Variants in PRAG1 observed in about 807,000 individuals in gnomAD.
The protein encoded by PRAG1 is PEAK1 related, kinase-activating pseudokinase 1, also known as inactive tyrosine-protein kinase PRAG1.
A neutral mutation model predicts 95.6 loss-of-function variants in PRAG1; 110 were observed. The ratio of observed to expected loss-of-function variants is 1.15; its 90% CI spans 0.99 to 1.35. The LOEUF is 1.35. Among genes scored for constraint, PRAG1 ranks in the 40% most tolerant of loss-of-function variants. The probability of loss-of-function intolerance (pLI) is 0.00; values close to 1 mark genes in which losing one functional copy is unlikely to be tolerated. For missense variants in PRAG1, 2,554 were observed against 1,864.7 expected (o/e 1.37, Z -6.81); for synonymous variants, 1,052 against 819.4 (o/e 1.28, Z -4.85).
intron 3 of PRAG1, among the ~76,000 whole-genome samples, chr8:8,350,098 T>G (rs917343592): frequency 6.6e-6 from 1 of 152,136 alleles, no homozygotes; most frequent in Non-Finnish European, 1.5e-5. Flanking sequence ...GCATGAGAGA[T>G]AGAAACATTT....
At chr8:8,378,858 C>T (rs2945845) in intron 2 of PRAG1, among the ~76,000 whole-genome samples, 85,939 of 149,662 alleles carry the variant, frequency 0.57, 25,560 homozygotes, top group East Asian at 0.77. Flanking sequence ...AGACCCTGTA[C>T]CAAAAATAAT....
chr8:8,368,230 G>A (rs532694211), intron 3 of PRAG1, among the ~76,000 whole-genome samples: 19 of 152,252 alleles, frequency 1.2e-4, no homozygotes, highest in Admixed American at 1.2e-3. Context: ...AGTAGCCTTC[G>A]GCCTGGAAGC....
At chr8:8,384,182 G>A (rs1585288155) in intron 1 of PRAG1, among the ~76,000 whole-genome samples, 1 of 152,136 alleles carries the variant, frequency 6.6e-6, no homozygotes, top group Admixed American at 6.5e-5. Flanking sequence ...CAAAGCAGCA[G>A]TTCTGCTTGG....
rs1798719570 is a variant in PRAG1, at chr8:8,328,459, G to A, written c.2323C>T (p.Pro775Ser). Residue 775 changes from proline to serine, a missense_variant and splice_region_variant, in exon 5 of 6, where the codon CCC becomes TCC. Physicochemically the swap from Pro to Ser is moderately conservative, Grantham distance 74. Transcript: ENST00000615670. Reference sequence around the variant, plus strand: ...GGCGAGTGAGCCAGCTCAGACGAGGGACCTGAAGAGGAGAGACAGAAACCA... The same window carrying A: ...GGCGAGTGAGCCAGCTCAGACGAGGAACCTGAAGAGGAGAGACAGAAACCA... ...SDSRTCSDGG[P>S]SSELAHSPTN... 6.2e-7 allele frequency: 1 copy of A among 1,613,162 alleles called. No individual in the cohort carries two copies. The highest frequency in any genetic ancestry group is 1.7e-5 in the Admixed American group (1 of 59,988).
At chr8:8,349,260 A>G (rs1413077248) in intron 3 of PRAG1, among the ~76,000 whole-genome samples, 1 of 146,468 alleles carries the variant, frequency 6.8e-6, no homozygotes, top group Non-Finnish European at 1.5e-5. Flanking sequence ...TTATTTATCT[A>G]TCTATCTATT....
At chr8:8,349,099 T>C (rs540628408) in intron 3 of PRAG1, among the ~76,000 whole-genome samples, 95 of 152,314 alleles carry the variant, frequency 6.2e-4, no homozygotes, top group African/African-American at 2.1e-3. Flanking sequence ...TCTACTAGGT[T>C]GGTGCAAAAG....
rs770102541 is a variant in PRAG1 at position 8,318,347 on chromosome 8, G to A, written c.4028C>T (p.Ser1343Leu). The A allele has an allele frequency of 2.9e-5, 46 of 1,613,880 alleles. No individual in the cohort carries two copies. The highest frequency in any genetic ancestry group is 3.5e-5 in the Non-Finnish European group (41 of 1,179,920). The change falls in exon 6 of 6, where the codon TCG (serine) becomes TTG (leucine). Residue 1343 changes from serine (S) to leucine (L), a missense_variant. Ser to Leu is a moderately radical substitution (Grantham distance 145). Coordinates refer to ENST00000615670, the MANE Select transcript of PRAG1 (RefSeq NM_001080826.3). The surrounding 1 kb of genome is among the most constrained non-coding windows in gnomAD (Gnocchi z 4.2). ...CAGCGTGCCGCACAGCGCCTCCTCC[G>A]AGGTGCCCGGCTGCTGCACCAGCTC... ...RRELVQQPGTSEEALCGTLHN... is the reference protein window; with the variant it reads ...RRELVQQPGTLEEALCGTLHN...
chr8:8,367,792 C>T (rs1028999577), intron 3 of PRAG1, among the ~76,000 whole-genome samples: 4 of 152,094 alleles, frequency 2.6e-5, no homozygotes, highest in African/African-American at 7.2e-5. Flanking sequence ...CAGGTGCGTG[C>T]CACCATGCCC....
chr8:8,339,773 T>A, intron 3 of PRAG1, 138 bp from the exon 4 acceptor site: 1 of 792,818 alleles, frequency 1.3e-6, no homozygotes, highest in Non-Finnish European at 1.9e-6. Flanking sequence ...AAAAAAGATT[T>A]TGGGGAGACA....
rs374528682 is a variant in PRAG1, at chr8:8,339,583, C to G, written c.2215G>C (p.Gly739Arg). Residue 739 changes from glycine (G) to arginine (R), a missense_variant, in exon 4 of 6, where the codon GGC (glycine) becomes CGC (arginine). By Grantham distance (125) the Gly-to-Arg change is moderately radical. Coordinates refer to ENST00000615670, the MANE Select transcript of PRAG1 (RefSeq NM_001080826.3). Reference sequence around the variant, plus strand: ...GATGGGCTGAGGCTTTCTGCAGAGCCCTGGCTCACTTTTTCCAAATCAGAG... The same window carrying G: ...GATGGGCTGAGGCTTTCTGCAGAGCGCTGGCTCACTTTTTCCAAATCAGAG... ...SSSDLEKVSQ[G>R]SAESLSPSFR... is the part of the protein sequence containing the mutation. 2 of 1,614,048 alleles carry G rather than the reference C, an allele frequency of 1.2e-6. No homozygotes were observed. The highest frequency in any genetic ancestry group is 1.7e-6 in the Non-Finnish European group (2 of 1,179,930).
chr8:8,339,535 A>G lies in PRAG1; in HGVS notation c.2263T>C (p.Phe755Leu). The G allele has an allele frequency of 1.9e-6, 3 of 1,614,158 alleles. No homozygotes were observed. The highest frequency in any genetic ancestry group is 2.5e-6 in the Non-Finnish European group (3 of 1,180,022). Residue 755 changes from phenylalanine (F) to leucine (L), a missense_variant, in exon 4 of 6, where the codon TTC becomes CTC. By Grantham distance (22) the Phe-to-Leu change is conservative. Coordinates refer to ENST00000615670, the MANE Select transcript of PRAG1 (RefSeq NM_001080826.3). ...AGGCTGTCCGTGGAGCCGGTGGTGAAGCTGACGTGGACACCCCTGAAGGAT... is the reference window on the plus strand; with the variant it reads ...AGGCTGTCCGTGGAGCCGGTGGTGAGGCTGACGTGGACACCCCTGAAGGAT... Reference protein sequence around the residue: ...SPSFRGVHVSFTTGSTDSLAS... With the variant: ...SPSFRGVHVSLTTGSTDSLAS...
chr8:8,358,991 A>G (rs1245009839), intron 3 of PRAG1, among the ~76,000 whole-genome samples: 1 of 152,236 alleles, frequency 6.6e-6, no homozygotes, highest in Non-Finnish European at 1.5e-5. Flanking sequence ...CAAAACTCAT[A>G]TTGTAGTTAA....
At chr8:8,333,060 G>C (rs1214850664) in intron 4 of PRAG1, among the ~76,000 whole-genome samples, 2 of 152,210 alleles carry the variant, frequency 1.3e-5, no homozygotes, top group Middle Eastern at 3.2e-3. Context: ...ATATTCTCCA[G>C]ACTTGGATCC....
chr8:8,384,589 A>G (rs1399607408), intron 1 of PRAG1, among the ~76,000 whole-genome samples: 1 of 142,134 alleles, frequency 7.0e-6, no homozygotes, highest in African/African-American at 2.7e-5. Flanking sequence ...AGCAAACAGA[A>G]TTTACCACCG....
Position 8,321,929 on chromosome 8 carries a change from C to G in PRAG1, c.3073-2627G>C, listed in dbSNP as rs117517345. 7.8e-3 allele frequency among the ~76,000 whole-genome samples: 1,194 copies of G among 152,300 alleles called. 9 individuals are homozygous for G. The highest frequency in any genetic ancestry group is 0.012 in the Admixed American group (176 of 15,296). ...TGGGAACCTCTGGTCACAATATTTT[C>G]ATTAACCCACCAGTATTCAACCTTG... is the stretch of plus-strand genomic sequence containing the variant. On this transcript the variant is annotated intron_variant, in intron 5 of 5. Transcript: ENST00000615670.
chr8:8,344,665 T>A (rs112105337), intron 3 of PRAG1, among the ~76,000 whole-genome samples: 2 of 152,222 alleles, frequency 1.3e-5, no homozygotes, highest in East Asian at 1.9e-4. Flanking sequence ...CTTCACTGCA[T>A]GCTTGGAATA....
At chr8:8,360,157 A>G (rs1235445996) in intron 3 of PRAG1, among the ~76,000 whole-genome samples, 1 of 151,996 alleles carries the variant, frequency 6.6e-6, no homozygotes, top group Non-Finnish European at 1.5e-5. Flanking sequence ...AGAGCCCCTG[A>G]CCCCTCTATT....
At chr8:8,374,560 G>T in intron 3 of PRAG1, 2 of 735,958 alleles carry the variant, frequency 2.7e-6, no homozygotes, top group African/African-American at 1.9e-5. Flanking sequence ...ACCTCTTAGG[G>T]CTGTTCTGAG....
chr8:8,361,061 G>C (rs1231638551), intron 3 of PRAG1, among the ~76,000 whole-genome samples: 1 of 152,172 alleles, frequency 6.6e-6, no homozygotes, highest in Non-Finnish European at 1.5e-5. Context: ...CCTAAAAAGT[G>C]ATCAATTTGA....
Sources: gnomAD v4.1 joint callset for allele counts (sites outside exome capture counted in the v4.1 genomes callset) on GRCh38, gnomAD v4.1.1 for gene constraint, Gnocchi (gnomAD v3.1) non-coding constraint, MANE v1.5 for transcripts, NCBI Gene and HGNC (gene_info 2026-07-23, HGNC 2026-07-21) for gene names.